Variants in ADAMTS10 observed in about 807,000 individuals in gnomAD.
ADAMTS10 encodes the protein ADAM metallopeptidase with thrombospondin type 1 motif 10.
Under a neutral mutation model 135.9 loss-of-function variants are expected in ADAMTS10, and 48 were observed. The observed-to-expected ratio is 0.35, with a 90% CI of 0.28 to 0.45. The LOEUF (loss-of-function observed/expected upper bound fraction) is 0.45. Ranked by LOEUF, ADAMTS10 falls within the 20% of genes least tolerant of loss-of-function variation. The pLI is 1.00. For missense variants in ADAMTS10, 1,131 were observed against 1,565.2 expected, an observed-to-expected ratio of 0.72 and a Z score of 4.68; for synonymous variants, 621 against 647.5, an observed-to-expected ratio of 0.96 and a Z score of 0.62.
intron 12 of ADAMTS10, among the ~76,000 whole-genome samples, chr19:8,595,168 T>C (rs2042587185): frequency 6.6e-6 from 1 of 152,116 alleles, no homozygotes; most frequent in African/African-American, 2.4e-5. Context: ...CCTTGGTGGC[T>C]GAAGCAGGAA....
Position 8,591,859 on chromosome 19 carries a change from T to C in ADAMTS10, c.1738A>G (p.Thr580Ala), listed in dbSNP as rs1555739005. ...SSRHCDSPRPTIGGKYCLGER... is the reference protein window; with the variant it reads ...SSRHCDSPRPAIGGKYCLGER... ...CCCAGACAGTACTTGCCCCCGATGG[T>C]TGGCCTGGAAAGGGTGGTGGGATAG... The change falls in exon 15 of 26, where the codon ACC becomes GCC. Residue 580 changes from threonine to alanine, a missense_variant. Thr to Ala is a moderately conservative substitution (Grantham distance 58). Around this residue, in one of 3 missense-constraint regions of ADAMTS10, gnomAD observed 745 missense variants for 1,056.3 expected, o/e 0.71. Coordinates refer to ENST00000597188, the MANE Select transcript of ADAMTS10 (RefSeq NM_030957.4). 2 of 1,613,514 alleles carry C rather than the reference T, an allele frequency of 1.2e-6. No individual in the cohort carries two copies. Among genetic ancestry groups the C allele is most frequent in the Non-Finnish European group, 8.5e-7 (1 of 1,179,982 alleles).
chr19:8,586,664 G>A lies in ADAMTS10; in HGVS notation c.2297C>T (p.Pro766Leu), dbSNP rs2042436022. 2 of 1,613,008 alleles carry A rather than the reference G, an allele frequency of 1.2e-6. No individual in the cohort carries two copies. Among genetic ancestry groups the A allele is most frequent in the Non-Finnish European group, 1.7e-6 (2 of 1,179,282 alleles). The stretch of plus-strand genomic sequence containing the variant: ...GGTCCCAGCTAGAGGCAGACGGTGG[G>A]GCTGGGGGGTCCCAGGCAGCCCCTC... The part of the protein sequence containing the change: ...LLEGLPGTPQ[P>L]HRLPLAGTTF... The change falls in exon 20 of 26, where the codon CCC becomes CTC. Residue 766 changes from proline (P) to leucine (L), a missense_variant. Transcript: ENST00000597188.
chr19:8,603,263 C>T (rs1001259088), intron 5 of ADAMTS10, among the ~76,000 whole-genome samples: 1 of 152,064 alleles, frequency 6.6e-6, no homozygotes, highest in African/African-American at 2.4e-5. Context: ...TCTGCTGTCC[C>T]CTGGATAGAA....
At position 8,585,588 on chromosome 19, in the gene ADAMTS10, G is replaced by A; in HGVS notation, c.2733C>T (p.Cys911=). The A allele has an allele frequency of 6.2e-7, 1 of 1,609,636 alleles. No homozygotes were observed. Among genetic ancestry groups the A allele is most frequent in the Non-Finnish European group, 8.5e-7 (1 of 1,178,606 alleles). The change falls in exon 23 of 26, where the codon TGC becomes TGT. Residue 911 remains cysteine, a synonymous_variant. Coordinates refer to ENST00000597188, the MANE Select transcript of ADAMTS10 (RefSeq NM_030957.4). ...DAGVRSRSVV[C]QRRVSAAEEK... is the part of the protein sequence containing the mutation. ...CCTCCGCGGCAGAGACGCGGCGCTG[G>A]CACACGACCGAGCGGCTGCGCACGC...
Position 8,596,694 on chromosome 19 carries a change from G to T in ADAMTS10, c.1041-109C>A. On this transcript the variant is annotated intron_variant, in intron 8 of 25. Transcript: ENST00000597188. The surrounding 1 kb of genome is among the most constrained non-coding windows in gnomAD (Gnocchi z 7.2). ...GAGTCCTGCCTTGGAGGCGCCATCT[G>T]CCTCTCACCTGAAGCTGCATACAGG... 1.5e-6 allele frequency: 2 copies of T among 1,368,636 alleles called. No homozygotes were observed. Among genetic ancestry groups the T allele is most frequent in the Admixed American group, 2.0e-5 (1 of 50,924 alleles). The allele number at this position is 1,368,636 out of a possible 1,614,324, so 84.8% of individuals were successfully genotyped here. A position where few individuals can be genotyped will look rare whatever the true frequency, so the allele number is the denominator to read the frequency against.
Position 8,585,027 on chromosome 19 carries a change from G to T in ADAMTS10, c.3070C>A (p.Arg1024=). The T allele has an allele frequency of 6.5e-7, 1 of 1,533,370 alleles. No homozygotes were observed. Among genetic ancestry groups the T allele is most frequent in the Non-Finnish European group, 8.7e-7 (1 of 1,143,296 alleles). 95.0% of individuals were successfully genotyped at this position (1,533,370 alleles called of 1,614,324 possible). A position where few individuals can be genotyped will look rare whatever the true frequency, so the allele number is the denominator to read the frequency against. ...CTGGTGCAGCGCACCGAGCGCTGCC[G>T]CTGCCCGACGCCGCACTGTGCAGAG... ...ECSAQCGVGQ[R]QRSVRCTSHT... Residue 1024 remains arginine (R), a synonymous_variant, in exon 25 of 26, where the codon CGG becomes AGG. Coordinates refer to ENST00000597188, the MANE Select transcript of ADAMTS10 (RefSeq NM_030957.4).
At chr19:8,606,331 G>C (rs1298634362) in intron 2 of ADAMTS10, among the ~76,000 whole-genome samples, 1 of 152,096 alleles carries the variant, frequency 6.6e-6, no homozygotes, top group Non-Finnish European at 1.5e-5. Context: ...CCAAAGCACT[G>C]GGATTACAAG....
chr19:8,601,292 G>T lies in ADAMTS10; in HGVS notation c.593-147C>A. 1.1e-6 allele frequency: 1 copy of T among 880,968 alleles called. No homozygotes were observed. The highest frequency in any genetic ancestry group is 1.8e-6 in the Non-Finnish European group (1 of 554,106). 54.6% of individuals were successfully genotyped at this position (880,968 alleles called of 1,614,324 possible). A position where few individuals can be genotyped will look rare whatever the true frequency, so the allele number is the denominator to read the frequency against. ...TCTGGTCATTCTGCTGCCTTCTCTT[G>T]TTGTCCAGCTACCTGTGTGATGGTC... On this transcript the variant is annotated intron_variant, in intron 5 of 25. Transcript: ENST00000597188. This position sits in a 1 kb window ranked among gnomAD's most constrained non-coding sequence, Gnocchi z 4.6.
In ADAMTS10 at chr19:8,585,015, C is replaced by T; in HGVS notation, c.3082G>A (p.Val1028Met). Residue 1028 changes from valine (V) to methionine (M), a missense_variant, in exon 25 of 26, where the codon GTG becomes ATG. Val to Met is a conservative substitution (Grantham distance 21). This residue lies in a region of ADAMTS10 where 745 missense variants were observed against 1,056.3 expected (regional missense o/e 0.71). Transcript: ENST00000597188. ...TGGCCCGTGTGGCTGGTGCAGCGCA[C>T]CGAGCGCTGCCGCTGCCCGACGCCG... is the stretch of plus-strand genomic sequence containing the variant. ...QCGVGQRQRS[V>M]RCTSHTGQAS... 6.5e-7 allele frequency: 1 copy of T among 1,536,736 alleles called. No homozygotes were observed. The highest frequency in any genetic ancestry group is 8.7e-7 in the Non-Finnish European group (1 of 1,144,042).
Position 8,589,750 on chromosome 19 carries a change from C to T in ADAMTS10, c.1900+139G>A, listed in dbSNP as rs571648145. Reference sequence around the variant, plus strand: ...AGCGTCACGTTGAACCCCCATGGTACCGTATCCCAGGTACTCTGTCTCCCC... The same window carrying T: ...AGCGTCACGTTGAACCCCCATGGTATCGTATCCCAGGTACTCTGTCTCCCC... On this transcript the variant is annotated intron_variant, in intron 16 of 25. Coordinates refer to ENST00000597188, the MANE Select transcript of ADAMTS10 (RefSeq NM_030957.4). 8.0e-5 allele frequency: 112 copies of T among 1,408,194 alleles called. No individual in the cohort carries two copies. In the African/African-American group the frequency reaches 1.4e-3, roughly 17 times the overall value. 87.2% of individuals were successfully genotyped at this position (1,408,194 alleles called of 1,614,324 possible).
At position 8,585,176 on chromosome 19, in the gene ADAMTS10, G is replaced by A; in HGVS notation, c.2998C>T (p.Arg1000Cys). ...KPPATMRCNLRRCPPARWVAG... is the reference protein window; with the variant it reads ...KPPATMRCNLCRCPPARWVAG... The stretch of plus-strand genomic sequence containing the variant: ...ACCCAGCGGGCCGGGGGGCAGCGGC[G>A]CAAGTTGCAGCGCATGGTGGCCGGT... The change falls in exon 24 of 26, where the codon CGC (arginine) becomes TGC (cysteine). Residue 1000 changes from arginine (R) to cysteine (C), a missense_variant. Arg to Cys is a radical substitution (Grantham distance 180). Coordinates refer to ENST00000597188, the MANE Select transcript of ADAMTS10 (RefSeq NM_030957.4). The A allele has an allele frequency of 7.1e-7, 1 of 1,411,756 alleles. No individual in the cohort carries two copies. The highest frequency in any genetic ancestry group is 9.2e-7 in the Non-Finnish European group (1 of 1,088,592). The allele number at this position is 1,411,756 out of a possible 1,614,324, so 87.5% of individuals were successfully genotyped here.
intron 19 of ADAMTS10, 26 bp downstream of exon 19, chr19:8,586,788 CCT>C: frequency 1.9e-6 from 3 of 1,614,034 alleles, no homozygotes; most frequent in Non-Finnish European, 2.5e-6. Context: ...GACCCCTAAT[CCT>C]CATCCCCTCC....
intron 5 of ADAMTS10, 149 bp downstream of exon 5, chr19:8,603,579 T>G: frequency 7.7e-7 from 1 of 1,295,852 alleles, no homozygotes. Flanking sequence ...CGGCCGGAAC[T>G]CCATAATTAT....
intron 1 of ADAMTS10, among the ~76,000 whole-genome samples, chr19:8,608,451 T>C (rs918490875): frequency 2.6e-5 from 4 of 152,128 alleles, no homozygotes; most frequent in East Asian, 1.9e-4. Context: ...TTCTTGCTTC[T>C]TCTTCCCTAT....
chr19:8,583,411 C>T (rs565191409), intron 25 of ADAMTS10, among the ~76,000 whole-genome samples: 34 of 151,890 alleles, frequency 2.2e-4, no homozygotes, highest in African/African-American at 7.0e-4. Flanking sequence ...CATGGTGGCA[C>T]GTGCCTGTAA....
At position 8,596,681 on chromosome 19, in the gene ADAMTS10, G is replaced by A. The variant is rs1329729412; in HGVS notation, c.1041-96C>T. 6.8e-7 allele frequency: 1 copy of A among 1,475,856 alleles called. No individual in the cohort carries two copies. The allele number at this position is 1,475,856 out of a possible 1,614,324, so 91.4% of individuals were successfully genotyped here. ...AGCTCTGGGGGTTGAGTCCTGCCTT[G>A]GAGGCGCCATCTGCCTCTCACCTGA... On this transcript the variant is annotated intron_variant, in intron 8 of 25. Coordinates refer to ENST00000597188, the MANE Select transcript of ADAMTS10 (RefSeq NM_030957.4). This position sits in a 1 kb window ranked among gnomAD's most constrained non-coding sequence, Gnocchi z 7.2.
At position 8,605,912 on chromosome 19, in the gene ADAMTS10, T is replaced by C; in HGVS notation, c.-99-103A>G. 1 of 1,136,712 alleles carries C rather than the reference T, an allele frequency of 8.8e-7. No homozygotes were observed. Among genetic ancestry groups the C allele is most frequent in the Non-Finnish European group, 1.2e-6 (1 of 828,016 alleles). 70.4% of individuals were successfully genotyped at this position (1,136,712 alleles called of 1,614,324 possible). The stretch of plus-strand genomic sequence containing the variant: ...AAGCTTTTCACCTGACTCTGAAGAT[T>C]CTGAATGCATTTTCTCACTCAGTCA... On this transcript the variant is annotated intron_variant, in intron 2 of 25. Transcript: ENST00000597188. The surrounding 1 kb of genome is among the most constrained non-coding windows in gnomAD (Gnocchi z 7.7).
At position 8,605,901 on chromosome 19, in the gene ADAMTS10, ACT is replaced by A. The variant is rs1470411178; in HGVS notation, c.-99-94_-99-93del. The A allele has an allele frequency of 2.8e-5, 34 of 1,228,214 alleles. 1 individual carries two copies. In the South Asian group the frequency reaches 4.5e-4, roughly 16 times the overall value. The allele number at this position is 1,228,214 out of a possible 1,614,324, so 76.1% of individuals were successfully genotyped here. ...AATCATGGCCAAAGCTTTTCACCTG[ACT>A]CTGAAGATTCTGAATGCATTTTCTC... On this transcript the variant is annotated intron_variant, in intron 2 of 25. Transcript: ENST00000597188. This position sits in a 1 kb window ranked among gnomAD's most constrained non-coding sequence, Gnocchi z 7.7.
At position 8,605,898 on chromosome 19, in the gene ADAMTS10, C is replaced by T; in HGVS notation, c.-99-89G>A. 41 of 1,263,096 alleles carry T rather than the reference C, an allele frequency of 3.2e-5. No homozygotes were observed. The highest frequency in any genetic ancestry group is 4.4e-5 in the Non-Finnish European group (41 of 942,404). The allele number at this position is 1,263,096 out of a possible 1,614,324, so 78.2% of individuals were successfully genotyped here. The stretch of plus-strand genomic sequence containing the variant: ...GCCAATCATGGCCAAAGCTTTTCAC[C>T]TGACTCTGAAGATTCTGAATGCATT... On this transcript the variant is annotated intron_variant, in intron 2 of 25. Transcript: ENST00000597188. The surrounding 1 kb of genome is among the most constrained non-coding windows in gnomAD (Gnocchi z 7.7).
Sources: gnomAD v4.1 joint callset for allele counts (sites outside exome capture counted in the v4.1 genomes callset) on GRCh38, gnomAD v4.1.1 for gene constraint, gnomAD v4.1.1 regional missense constraint, Gnocchi (gnomAD v3.1) non-coding constraint, MANE v1.5 for transcripts, NCBI Gene and HGNC (gene_info 2026-07-23, HGNC 2026-07-21) for gene names.